SYN3: variants seen among roughly 807,000 people sequenced by gnomAD.
SYN3 encodes the protein synapsin III.
In SYN3, 35 loss-of-function variants were observed where a neutral mutation model predicts 65.8. That is an observed-to-expected ratio of 0.53 (90% CI 0.41 to 0.70). The LOEUF (loss-of-function observed/expected upper bound fraction) is 0.70, where lower values mean the gene tolerates loss of function less well. Among genes scored for constraint, SYN3 ranks in the 30% least tolerant of loss-of-function variants. The pLI is 0.00. For synonymous variants in SYN3, 270 were observed against 292.9 expected (o/e 0.92, Z 0.80); for missense variants, 680 against 749.0 (o/e 0.91, Z 1.08).
At chr22:32,541,342 C>A (rs1485574428) in intron 8 of SYN3, among the ~76,000 whole-genome samples, 1 of 152,242 alleles carries the variant, frequency 6.6e-6, no homozygotes, top group African/African-American at 2.4e-5. Context: ...TGCCAAGCAC[C>A]TTTCTTGCTC....
At chr22:32,665,269 A>G (rs1217382985) in intron 6 of SYN3, among the ~76,000 whole-genome samples, 9 of 152,056 alleles carry the variant, frequency 5.9e-5, no homozygotes, top group Non-Finnish European at 1.3e-4. Flanking sequence ...AAGTACTAGG[A>G]TTACAGGTGT....
At chr22:32,872,887 TTAAGAAACTCACAAC>T (rs1482056354) in intron 4 of SYN3, among the ~76,000 whole-genome samples, 2 of 151,774 alleles carry the variant, frequency 1.3e-5, no homozygotes, top group African/African-American at 4.8e-5. Context: ...ATTCCTGCTT[TTAAGAAACTCACAAC>T]CCAAGAGGAG....
intron 1 of SYN3, chr22:33,014,376 G>T (rs943174642): frequency 2.0e-5 from 3 of 152,154 alleles, no homozygotes; most frequent in African/African-American, 7.2e-5. Flanking sequence ...CTGATAAATT[G>T]ATTTCAATAT....
At chr22:32,578,773 CA>C (rs1359220231) in intron 7 of SYN3, among the ~76,000 whole-genome samples, 1 of 152,144 alleles carries the variant, frequency 6.6e-6, no homozygotes, top group Non-Finnish European at 1.5e-5. Context: ...GTTTATTGTA[CA>C]CATTTTTGGA....
intron 6 of SYN3, among the ~76,000 whole-genome samples, chr22:32,655,928 G>A (rs939301587): frequency 6.6e-6 from 1 of 152,128 alleles, no homozygotes; most frequent in Non-Finnish European, 1.5e-5. Flanking sequence ...GGGAGTCGCT[G>A]GACTAAGACA....
chr22:32,642,436 C>G (rs943891689), intron 6 of SYN3, among the ~76,000 whole-genome samples: 13 of 151,448 alleles, frequency 8.6e-5, no homozygotes, highest in Admixed American at 5.9e-4. Context: ...GATTTTTTAT[C>G]TTTTTATTTT....
At chr22:33,033,015 A>AG (rs2053781883) in intron 1 of SYN3, among the ~76,000 whole-genome samples, 1 of 150,606 alleles carries the variant, frequency 6.6e-6, no homozygotes, top group African/African-American at 2.4e-5. Flanking sequence ...CTCAGAATAA[A>AG]CTTTTTTTTT....
chr22:32,774,535 AGGCAAGAGTT>A, intron 6 of SYN3, among the ~76,000 whole-genome samples: 1 of 152,206 alleles, frequency 6.6e-6, no homozygotes, highest in African/African-American at 2.4e-5. Context: ...GGAACACCAC[AGGCAAGAGTT>A]TTCAGGAGCC....
chr22:32,983,643 T>A (rs1189066187), intron 2 of SYN3, among the ~76,000 whole-genome samples: 1 of 152,144 alleles, frequency 6.6e-6, no homozygotes, highest in Non-Finnish European at 1.5e-5. Context: ...GCAATGGTCT[T>A]CAAATAAATA....
chr22:32,879,814 G>A (rs944352249), intron 4 of SYN3, among the ~76,000 whole-genome samples: 1 of 152,156 alleles, frequency 6.6e-6, no homozygotes. Flanking sequence ...CAGAGTCCTG[G>A]TCCATATAAA....
At chr22:32,725,503 A>T (rs1014316981) in intron 6 of SYN3, among the ~76,000 whole-genome samples, 44 of 152,318 alleles carry the variant, frequency 2.9e-4, no homozygotes, top group African/African-American at 1.0e-3. Flanking sequence ...TGATGTGATG[A>T]AGTGAACGAT....
intron 6 of SYN3, among the ~76,000 whole-genome samples, chr22:32,680,329 CCT>C (rs1482896534): frequency 6.6e-5 from 10 of 152,300 alleles, no homozygotes; most frequent in Admixed American, 2.6e-4. Flanking sequence ...ATACCCTTTG[CCT>C]CTGCCTGAAT....
chr22:32,644,770 C>T (rs886489584), intron 6 of SYN3, among the ~76,000 whole-genome samples: 2 of 152,174 alleles, frequency 1.3e-5, no homozygotes, highest in Non-Finnish European at 2.9e-5. Flanking sequence ...TATCCCGTGG[C>T]CTCCTCCCTC....
chr22:32,629,616 G>A (rs2059718543), intron 6 of SYN3: 1 of 152,182 alleles, frequency 6.6e-6, no homozygotes, highest in Non-Finnish European at 1.5e-5. Context: ...TATCTTTCTT[G>A]TCTTTCACAG....
At chr22:32,518,006 T>C (rs2057806600) in intron 13 of SYN3, 37 bp downstream of exon 13, 2 of 1,472,668 alleles carry the variant, frequency 1.4e-6, no homozygotes, top group African/African-American at 2.8e-5. Context: ...ACACCCCAGC[T>C]CTATCCTATA....
At chr22:32,944,111 C>T (rs144075196) in intron 3 of SYN3, among the ~76,000 whole-genome samples, 8 of 152,340 alleles carry the variant, frequency 5.3e-5, no homozygotes, top group African/African-American at 1.9e-4. Context: ...TAGACATCTA[C>T]AGAACACTCC....
At chr22:32,948,205 T>C (rs868430922) in intron 3 of SYN3, among the ~76,000 whole-genome samples, 11 of 152,336 alleles carry the variant, frequency 7.2e-5, no homozygotes, top group South Asian at 4.1e-4. Flanking sequence ...TTGGATACTG[T>C]AGAATCCTCT....
intron 7 of SYN3, among the ~76,000 whole-genome samples, chr22:32,549,420 AT>A (rs2058379651): frequency 6.6e-6 from 1 of 151,960 alleles, no homozygotes; most frequent in South Asian, 2.1e-4. Context: ...CATCTGGCTA[AT>A]TTTTTATTTT....
At chr22:32,842,944 C>A (rs1483134374) in intron 6 of SYN3, among the ~76,000 whole-genome samples, 1 of 152,158 alleles carries the variant, frequency 6.6e-6, no homozygotes, top group Non-Finnish European at 1.5e-5. Flanking sequence ...AAGGGTCCTT[C>A]CTTTTAGGTA....
Sources: allele counts gnomAD v4.1 joint callset (sites outside exome capture counted in the v4.1 genomes callset), GRCh38; gene constraint gnomAD v4.1.1; transcripts MANE v1.5; gene names NCBI Gene and HGNC (gene_info 2026-07-23, HGNC 2026-07-21).